DSTYK: variants seen among roughly 807,000 people sequenced by gnomAD.
The protein encoded by DSTYK is dual serine/threonine and tyrosine protein kinase.
In DSTYK, 34 loss-of-function variants were observed where a neutral mutation model predicts 98.7. The ratio of observed to expected loss-of-function variants is 0.34; its 90% CI spans 0.26 to 0.46. The LOEUF is 0.46. Ranked by LOEUF, DSTYK falls within the 20% of genes least tolerant of loss-of-function variation. The pLI, the probability that DSTYK is intolerant of heterozygous loss-of-function variation, is 1.00. For missense variants in DSTYK, 962 were observed against 1,181.7 expected, an observed-to-expected ratio of 0.81 and a Z score of 2.73; for synonymous variants, 462 against 457.3, an observed-to-expected ratio of 1.01 and a Z score of -0.13.
rs768176317 is a variant in DSTYK, at chr1:205,211,482, G to T, written c.54C>A (p.Pro18=). 1.3e-6 allele frequency: 2 copies of T among 1,584,648 alleles called. No individual in the cohort carries two copies. The highest frequency in any genetic ancestry group is 1.7e-6 in the Non-Finnish European group (2 of 1,169,716). Residue 18 remains proline (P), a synonymous_variant, in exon 1 of 13, where the codon CCC becomes CCA. Coordinates refer to ENST00000367162, the MANE Select transcript of DSTYK (RefSeq NM_015375.3). ...GCTCGCGGATCATTCCGCCGCCGCC[G>T]GGGCCGGGACCCGAGACGGGCTCGC... The part of the protein sequence containing the change: ...WGSEPVSGPG[P]GGGGMIRELC...
chr1:205,196,822 T>C (rs886308656), intron 1 of DSTYK, among the ~76,000 whole-genome samples: 2 of 137,674 alleles, frequency 1.5e-5, no homozygotes, highest in Non-Finnish European at 3.0e-5. Context: ...TGGAGTACAA[T>C]GGCATGATCT....
rs1257082245 is a variant in DSTYK, at chr1:205,147,634, A to G, written c.2714T>C (p.Met905Thr). ...KRPLLGIVQP[M>T]LQGIMNRLCK... ...GAGCCGATTCATGATGCCCTGGAGC[A>G]TGGGCTGGACAATGCCCAAGAGAGG... The change falls in exon 13 of 13, where the codon ATG (methionine) becomes ACG (threonine). Residue 905 changes from methionine to threonine, a missense_variant. This residue lies in a region of DSTYK where 65 missense variants were observed against 63.9 expected (regional missense o/e 1.02). Transcript: ENST00000367162. 1.2e-6 allele frequency: 2 copies of G among 1,614,182 alleles called. No homozygotes were observed. The highest frequency in any genetic ancestry group is 1.3e-5 in the African/African-American group (1 of 75,062).
chr1:205,152,635 T>C (rs1379180251), intron 10 of DSTYK, among the ~76,000 whole-genome samples: 1 of 152,140 alleles, frequency 6.6e-6, no homozygotes, highest in Non-Finnish European at 1.5e-5. Context: ...CTGAAAGGCT[T>C]GGAACCAGAA....
intron 1 of DSTYK, among the ~76,000 whole-genome samples, chr1:205,189,224 C>T (rs1462340707): frequency 6.6e-6 from 1 of 152,114 alleles, no homozygotes; most frequent in East Asian, 1.9e-4. Flanking sequence ...TCCCCAAACA[C>T]GTTCAAATAA....
chr1:205,189,467 C>G (rs1449514004), intron 1 of DSTYK, among the ~76,000 whole-genome samples: 1 of 152,340 alleles, frequency 6.6e-6, no homozygotes, highest in African/African-American at 2.4e-5. Flanking sequence ...TCCATCATAA[C>G]TGAAATTTTG....
At chr1:205,190,117 TA>T (rs899890672) in intron 1 of DSTYK, among the ~76,000 whole-genome samples, 1 of 152,166 alleles carries the variant, frequency 6.6e-6, no homozygotes, top group Non-Finnish European at 1.5e-5. Flanking sequence ...AGAACCATCC[TA>T]TTTCATCCTC....
chr1:205,202,565 G>C, intron 1 of DSTYK: 1 of 965,902 alleles, frequency 1.0e-6, no homozygotes, highest in Non-Finnish European at 1.7e-6. Context: ...CCTAAGATGC[G>C]CCGCTGGACC....
intron 1 of DSTYK, among the ~76,000 whole-genome samples, chr1:205,190,995 C>A (rs1365876824): frequency 2.6e-5 from 4 of 152,166 alleles, no homozygotes; most frequent in Non-Finnish European, 5.9e-5. Flanking sequence ...ACAGGACAGC[C>A]AATGAAACAG....
intron 6 of DSTYK, 28 bp from the exon 7 acceptor site, chr1:205,161,415 T>A: frequency 6.2e-7 from 1 of 1,613,518 alleles, no homozygotes. Flanking sequence ...AAAGTACATA[T>A]GACTTAAGTC....
At chr1:205,153,573 T>C (rs1010874857) in intron 10 of DSTYK, among the ~76,000 whole-genome samples, 1 of 152,228 alleles carries the variant, frequency 6.6e-6, no homozygotes, top group African/African-American at 2.4e-5. Flanking sequence ...TTAATATAGA[T>C]TACATATTAA....
chr1:205,169,669 G>A lies in DSTYK; in HGVS notation c.818C>T (p.Ser273Phe), dbSNP rs200487573. The A allele has an allele frequency of 3.1e-6, 5 of 1,614,210 alleles. No homozygotes were observed. Among genetic ancestry groups the A allele is most frequent in the Non-Finnish European group, 4.2e-6 (5 of 1,180,028 alleles). ...CACTTTGAAAAAGAATACAGGAAAG[G>A]AGAAATACTTTCGGATTTCCTGAAG... ...QELQEIRKYF[S>F]FPVFFFKVPK... Residue 273 changes from serine to phenylalanine, a missense_variant, in exon 3 of 13, where the codon TCC (serine) becomes TTC (phenylalanine). Ser to Phe is a radical substitution (Grantham distance 155). This residue lies in a region of DSTYK where 660 missense variants were observed against 855.0 expected (regional missense o/e 0.77). Coordinates refer to ENST00000367162, the MANE Select transcript of DSTYK (RefSeq NM_015375.3). The surrounding 1 kb of genome is among the most constrained non-coding windows in gnomAD (Gnocchi z 4.0).
chr1:205,171,119 C>G (rs1658050731), intron 2 of DSTYK, among the ~76,000 whole-genome samples: 1 of 151,474 alleles, frequency 6.6e-6, no homozygotes, highest in Non-Finnish European at 1.5e-5. Flanking sequence ...TGAACCTAAT[C>G]CTAACTGAAA....
intron 2 of DSTYK, among the ~76,000 whole-genome samples, chr1:205,184,173 T>C (rs376856335): frequency 3.0e-4 from 46 of 152,148 alleles, no homozygotes; most frequent in Admixed American, 9.2e-4. Flanking sequence ...GGAAGACACA[T>C]GCTCAGATAC....
intron 1 of DSTYK, among the ~76,000 whole-genome samples, chr1:205,195,791 C>T (rs1658848771): frequency 6.6e-6 from 1 of 152,200 alleles, no homozygotes; most frequent in Non-Finnish European, 1.5e-5. Flanking sequence ...GGCTGATACT[C>T]CCTGGGAGCC....
At chr1:205,209,993 T>C (rs993634841) in intron 1 of DSTYK, among the ~76,000 whole-genome samples, 10 of 151,988 alleles carry the variant, frequency 6.6e-5, no homozygotes, top group Non-Finnish European at 1.5e-4. Context: ...CTCCGCCGCC[T>C]GGTTTCAAGC....
At position 205,162,968 on chromosome 1, in the gene DSTYK, G is replaced by A; in HGVS notation, c.1596C>T (p.His532=). 6.2e-7 allele frequency: 1 copy of A among 1,614,124 alleles called. No individual in the cohort carries two copies. The highest frequency in any genetic ancestry group is 8.5e-7 in the Non-Finnish European group (1 of 1,179,996). Residue 532 remains histidine (H), a synonymous_variant, in exon 5 of 13, where the codon CAC becomes CAT. Coordinates refer to ENST00000367162, the MANE Select transcript of DSTYK (RefSeq NM_015375.3). ...NAAYHVEVTF[H]SGSSVTRMLW... is the part of the protein sequence containing the mutation. Reference sequence around the variant, plus strand: ...GCATCCTTGTAACTGACGACCCTGAGTGAAACGTGACTTCAACATGATAGG... The same window carrying A: ...GCATCCTTGTAACTGACGACCCTGAATGAAACGTGACTTCAACATGATAGG...
At chr1:205,202,379 C>T (rs1442455778) in intron 1 of DSTYK, 13 of 733,196 alleles carry the variant, frequency 1.8e-5, no homozygotes, top group African/African-American at 1.2e-4. Context: ...TCCAACATTA[C>T]AATGGTTGCG....
At chr1:205,152,741 G>C (rs1657442433) in intron 10 of DSTYK, among the ~76,000 whole-genome samples, 1 of 151,838 alleles carries the variant, frequency 6.6e-6, no homozygotes, top group East Asian at 1.9e-4. Flanking sequence ...AAATGCTCCA[G>C]TGAGCATTCC....
chr1:205,157,246 A>C (rs1341347130), intron 10 of DSTYK, 27 bp downstream of exon 10: 1 of 1,592,436 alleles, frequency 6.3e-7, no homozygotes, highest in Non-Finnish European at 8.6e-7. Context: ...GGTAGGGTAT[A>C]ATCTTGGGGA....
Sources: gnomAD v4.1 joint callset for allele counts (sites outside exome capture counted in the v4.1 genomes callset) on GRCh38, gnomAD v4.1.1 for gene constraint, gnomAD v4.1.1 regional missense constraint, Gnocchi (gnomAD v3.1) non-coding constraint, MANE v1.5 for transcripts, NCBI Gene and HGNC (gene_info 2026-07-23, HGNC 2026-07-21) for gene names.